The following NUP153 variants were observed in gnomAD, a reference collection of about 807,000 sequenced individuals.
NUP153 encodes nucleoporin 153.
In NUP153, 27 loss-of-function variants were observed where a neutral mutation model predicts 134.6. The ratio of observed to expected loss-of-function variants is 0.20; its 90% CI spans 0.15 to 0.28. NUP153 has a LOEUF of 0.28. Ranked by LOEUF, NUP153 falls within the 10% of genes least tolerant of loss-of-function variation. The pLI is 1.00. For synonymous variants in NUP153, 640 were observed against 623.5 expected (o/e 1.03, Z -0.40); for missense variants, 1,821 against 1,731.3 (o/e 1.05, Z -0.92).
At position 17,628,196 on chromosome 6, in the gene NUP153, T is replaced by C. The variant is rs973386981; in HGVS notation, c.3544+459A>G. ...CCAGGACTTCAGCTTTCAAAATCTC[T>C]TGTTTTCTCAGGATTAATTATATTT... On this transcript the variant is annotated intron_variant, in intron 18 of 21. Coordinates refer to ENST00000262077, the MANE Select transcript of NUP153 (RefSeq NM_005124.4). This position sits in a 1 kb window ranked among gnomAD's most constrained non-coding sequence, Gnocchi z 5.4. Among the ~76,000 whole-genome samples the C allele has an allele frequency of 7.2e-5, 11 of 152,366 alleles. No homozygotes were observed. Among genetic ancestry groups the C allele is most frequent in the Non-Finnish European group, 8.8e-5 (6 of 68,030 alleles).
At chr6:17,674,512 T>C (rs930030786) in intron 5 of NUP153, among the ~76,000 whole-genome samples, 1 of 152,182 alleles carries the variant, frequency 6.6e-6, no homozygotes, top group Non-Finnish European at 1.5e-5. Flanking sequence ...CTCACGCCTG[T>C]AATCCTAACA....
In NUP153 at chr6:17,628,643, G is replaced by A; in HGVS notation, c.3544+12C>T. 7.3e-7 allele frequency: 1 copy of A among 1,367,632 alleles called. No homozygotes were observed. The allele number at this position is 1,367,632 out of a possible 1,614,324, so 84.7% of individuals were successfully genotyped here. A position where few individuals can be genotyped will look rare whatever the true frequency, so the allele number is the denominator to read the frequency against. On this transcript the variant is annotated intron_variant, in intron 18 of 21. Coordinates refer to ENST00000262077, the MANE Select transcript of NUP153 (RefSeq NM_005124.4). The surrounding 1 kb of genome is among the most constrained non-coding windows in gnomAD (Gnocchi z 5.4). Reference sequence around the variant, plus strand: ...AAAATAATAATAATAATAATAAAAAGTTAATACTTACCAGCTGTAGTACTA... The same window carrying A: ...AAAATAATAATAATAATAATAAAAAATTAATACTTACCAGCTGTAGTACTA...
chr6:17,677,931 T>G (rs1473517074), intron 2 of NUP153, among the ~76,000 whole-genome samples: 3 of 152,156 alleles, frequency 2.0e-5, no homozygotes, highest in Admixed American at 6.5e-5. Flanking sequence ...TGTCAATTGC[T>G]AGAGTTTTCT....
chr6:17,681,890 T>C (rs531315608), intron 2 of NUP153, among the ~76,000 whole-genome samples: 3 of 152,080 alleles, frequency 2.0e-5, no homozygotes, highest in East Asian at 3.9e-4. Flanking sequence ...ACCTAGTATA[T>C]ACAGAAACCA....
At chr6:17,704,190 G>A (rs1033505021) in intron 1 of NUP153, among the ~76,000 whole-genome samples, 6 of 152,038 alleles carry the variant, frequency 3.9e-5, no homozygotes, top group Non-Finnish European at 7.4e-5. Context: ...TACTCTGGAG[G>A]CTGAGGCAGG....
intron 1 of NUP153, among the ~76,000 whole-genome samples, chr6:17,693,183 T>TACACACACACACAC (rs67348223): frequency 0.01 from 1,513 of 145,914 alleles, 12 homozygotes; most frequent in East Asian, 0.025. Flanking sequence ...AGCTTTTTCC[T>TACACACACACACAC]ACACACACAC....
In NUP153 at chr6:17,706,523, A is replaced by G. The variant is rs903131250; in HGVS notation, c.-136T>C. The G allele has an allele frequency of 2.2e-5, 14 of 634,792 alleles. No homozygotes were observed. Among genetic ancestry groups the G allele is most frequent in the Admixed American group, 2.1e-4 (7 of 34,000 alleles). The allele number at this position is 634,792 out of a possible 1,614,324, so 39.3% of individuals were successfully genotyped here. A position where few individuals can be genotyped will look rare whatever the true frequency, so the allele number is the denominator to read the frequency against. On this transcript the variant is annotated 5_prime_UTR_variant, in exon 1 of 22. Transcript: ENST00000262077. This position sits in a 1 kb window ranked among gnomAD's most constrained non-coding sequence, Gnocchi z 5.9. ...CCGCGCTGTCCACACAGTGGGCACA[A>G]GCACCCCAGGAACCGCGAGGTTGCG...
At chr6:17,668,200 G>A (rs751592054) in intron 8 of NUP153, among the ~76,000 whole-genome samples, 9 of 150,088 alleles carry the variant, frequency 6.0e-5, no homozygotes, top group South Asian at 2.1e-4. Flanking sequence ...CTCAGCCTCC[G>A]GAGTAGCTGA....
Position 17,630,594 on chromosome 6 carries a change from T to C in NUP153, c.2660-1055A>G, listed in dbSNP as rs190340875. 3.6e-4 allele frequency among the ~76,000 whole-genome samples: 55 copies of C among 151,520 alleles called. No individual in the cohort carries two copies. The East Asian group carries it at 9.0e-3, about 25-fold the overall frequency. The stretch of plus-strand genomic sequence containing the variant: ...AGGAGAATTGCTTGAGCCCGGGAGG[T>C]AGAAGTTGCAGTGAGCCAAGATTGC... On this transcript the variant is annotated intron_variant, in intron 17 of 21. Transcript: ENST00000262077.
rs1765592552 is a variant in NUP153, at chr6:17,637,220, A to G, written c.2397T>C (p.Cys799=). The G allele has an allele frequency of 6.2e-7, 1 of 1,614,158 alleles. No homozygotes were observed. The highest frequency in any genetic ancestry group is 8.5e-7 in the Non-Finnish European group (1 of 1,180,008). The part of the protein sequence containing the change: ...KFKRPIGSWE[C]SVCCVSNNAE... ...CATTATTAGAAACACAGCATACTGA[A>G]CACTCCCAAGATCCAATGGGCCTTT... is the stretch of plus-strand genomic sequence containing the variant. Residue 799 remains cysteine, a synonymous_variant, in exon 16 of 22, where the codon TGT becomes TGC. Coordinates refer to ENST00000262077, the MANE Select transcript of NUP153 (RefSeq NM_005124.4).
At chr6:17,652,215 C>T (rs1404006043) in intron 11 of NUP153, among the ~76,000 whole-genome samples, 1 of 152,032 alleles carries the variant, frequency 6.6e-6, no homozygotes, top group Non-Finnish European at 1.5e-5. Flanking sequence ...CTTACTTCTA[C>T]AGATCACTAT....
intron 2 of NUP153, among the ~76,000 whole-genome samples, chr6:17,683,714 A>G (rs191583568): frequency 6.6e-6 from 1 of 151,162 alleles, no homozygotes; most frequent in Admixed American, 6.6e-5. Flanking sequence ...CACCAGTTGC[A>G]TTAACCCCTA....
rs757593706 is a variant in NUP153, at chr6:17,624,642, C to T, written c.4093G>A (p.Val1365Met). 3 of 1,614,056 alleles carry T rather than the reference C, an allele frequency of 1.9e-6. No homozygotes were observed. In the African/African-American group the frequency reaches 4.0e-5, roughly 22 times the overall value. ...SQPAPPTFGT[V>M]SSSSQPPVFG... ...ACAGGGGGCTGGCTACTGCTTGACA[C>T]TGTCCCAAAAGTAGGTGGTGCAGGC... The change falls in exon 20 of 22, where the codon GTG (valine) becomes ATG (methionine). Residue 1365 changes from valine (V) to methionine (M), a missense_variant. Transcript: ENST00000262077.
rs148973599 is a variant in NUP153, at chr6:17,643,794, T to C, written c.1720+2273A>G. ...ACTCATAATCGACTCCTTAAAAATC[T>C]GGGTAACTTCCTGAGATATAATGAA... On this transcript the variant is annotated intron_variant, in intron 14 of 21. Transcript: ENST00000262077. Among the ~76,000 whole-genome samples the C allele has an allele frequency of 2.9e-3, 443 of 152,304 alleles. 2 individuals are homozygous for C. The highest frequency in any genetic ancestry group is 9.7e-3 in the African/African-American group (404 of 41,568).
Position 17,675,146 on chromosome 6 carries a change from CTT to C in NUP153, c.723+81_723+82del, listed in dbSNP as rs986825377. 36 of 1,512,476 alleles carry C rather than the reference CTT, an allele frequency of 2.4e-5. No homozygotes were observed. The highest frequency in any genetic ancestry group is 1.4e-4 in the East Asian group (6 of 43,900). 93.7% of individuals were successfully genotyped at this position (1,512,476 alleles called of 1,614,324 possible). ...CAAGCCTGGGCAACAGCAAAAGACT[CTT>C]GTCTCAGAAAAAAAAAAAAAAATTA... On this transcript the variant is annotated intron_variant, in intron 4 of 21. Coordinates refer to ENST00000262077, the MANE Select transcript of NUP153 (RefSeq NM_005124.4). The surrounding 1 kb of genome is among the most constrained non-coding windows in gnomAD (Gnocchi z 4.4).
At chr6:17,659,218 A>G (rs1048341052) in intron 11 of NUP153, among the ~76,000 whole-genome samples, 6 of 152,272 alleles carry the variant, frequency 3.9e-5, no homozygotes, top group African/African-American at 1.2e-4. Flanking sequence ...CTTCCGCAAC[A>G]GCGGGATGCA....
At chr6:17,642,229 TTCA>T (rs1274625100) in intron 14 of NUP153, among the ~76,000 whole-genome samples, 2 of 152,066 alleles carry the variant, frequency 1.3e-5, no homozygotes, top group Non-Finnish European at 2.9e-5. Context: ...AAAAATGGAC[TTCA>T]TCAAAATTAA....
intron 20 of NUP153, among the ~76,000 whole-genome samples, chr6:17,622,525 C>T (rs1309853989): frequency 6.6e-6 from 1 of 152,166 alleles, no homozygotes; most frequent in Non-Finnish European, 1.5e-5. Flanking sequence ...TGTTATAGAA[C>T]TGAGAACCTC....
chr6:17,703,035 T>A (rs1581792018), intron 1 of NUP153, among the ~76,000 whole-genome samples: 1 of 123,726 alleles, frequency 8.1e-6, no homozygotes, highest in East Asian at 2.2e-4. Context: ...ATCCCGTCTC[T>A]AAAAATACAA....
Sources: allele counts gnomAD v4.1 joint callset (sites outside exome capture counted in the v4.1 genomes callset), GRCh38; gene constraint gnomAD v4.1.1; non-coding constraint Gnocchi (gnomAD v3.1); transcripts MANE v1.5; gene names NCBI Gene and HGNC (gene_info 2026-07-23, HGNC 2026-07-21).